The following FGF14 variants were observed in gnomAD, a reference collection of about 807,000 sequenced individuals.
The protein encoded by FGF14 is fibroblast growth factor 14, also known as fibroblast growth factor homologous factor 4.
Under a neutral mutation model 25.5 loss-of-function variants are expected in FGF14, and 5 were observed. The ratio of observed to expected loss-of-function variants is 0.20; its 90% confidence interval spans 0.10 to 0.41. The LOEUF is 0.41. Among genes scored for constraint, FGF14 ranks in the 10% least tolerant of loss-of-function variants. FGF14 has a pLI of 1.00. For missense variants in FGF14, 222 were observed against 320.1 expected (o/e 0.69, Z 2.34); for synonymous variants, 138 against 118.3 (o/e 1.17, Z -1.08).
chr13:101,903,268 C>A (rs1594666504), intron 1 of FGF14, among the ~76,000 whole-genome samples: 1 of 147,086 alleles, frequency 6.8e-6, no homozygotes, highest in Non-Finnish European at 1.5e-5. Context: ...TGTGGTCATT[C>A]ATGTTAGTTA....
intron 1 of FGF14, among the ~76,000 whole-genome samples, chr13:102,178,171 G>A (rs2048522823): frequency 6.6e-6 from 1 of 152,122 alleles, no homozygotes; most frequent in South Asian, 2.1e-4. Flanking sequence ...GGTTGGGGAA[G>A]AGAAGGAGAC....
intron 1 of FGF14, among the ~76,000 whole-genome samples, chr13:102,269,172 C>T (rs1249982600): frequency 6.6e-6 from 1 of 152,168 alleles, no homozygotes; most frequent in Admixed American, 6.5e-5. Context: ...AAACCAAAAG[C>T]CACTAAGTCC....
At chr13:102,181,658 C>A (rs1268661111) in intron 1 of FGF14, among the ~76,000 whole-genome samples, 1 of 152,136 alleles carries the variant, frequency 6.6e-6, no homozygotes, top group Non-Finnish European at 1.5e-5. Flanking sequence ...TCAAAAAAGT[C>A]TTTATGGTTG....
At chr13:102,314,950 T>G (rs185913548) in intron 1 of FGF14, among the ~76,000 whole-genome samples, 38 of 148,798 alleles carry the variant, frequency 2.6e-4, no homozygotes, top group African/African-American at 8.8e-4. Context: ...CATATTATAT[T>G]AATATATTAT....
chr13:102,203,424 G>A (rs1006459668), intron 1 of FGF14, among the ~76,000 whole-genome samples: 4 of 152,108 alleles, frequency 2.6e-5, no homozygotes, highest in Non-Finnish European at 4.4e-5. Flanking sequence ...ATTGCCTCTG[G>A]GGAGAGGCAC....
intron 1 of FGF14, among the ~76,000 whole-genome samples, chr13:102,079,279 A>G (rs2043506659): frequency 6.6e-6 from 1 of 152,122 alleles, no homozygotes; most frequent in African/African-American, 2.4e-5. Context: ...TCCATGTTTA[A>G]AATGTATGCT....
chr13:102,047,317 G>C (rs2042027907), intron 1 of FGF14, among the ~76,000 whole-genome samples: 1 of 151,936 alleles, frequency 6.6e-6, no homozygotes, highest in Non-Finnish European at 1.5e-5. Flanking sequence ...TTTGGTTTAA[G>C]AATAATAAGA....
At chr13:102,161,602 A>G (rs1359625640) in intron 1 of FGF14, among the ~76,000 whole-genome samples, 91 of 2,842 alleles carry the variant, frequency 0.032, no homozygotes, top group Non-Finnish European at 0.041. Context: ...GAAGAAGAAG[A>G]AGAAGAAGAA....
chr13:102,039,145 A>G (rs1321126007), intron 1 of FGF14, among the ~76,000 whole-genome samples: 1 of 152,196 alleles, frequency 6.6e-6, no homozygotes, highest in South Asian at 2.1e-4. Context: ...TTTAAAGTCT[A>G]TCTCTCGCCC....
chr13:101,724,794 C>T (rs2035289971), intron 4 of FGF14, among the ~76,000 whole-genome samples: 1 of 150,970 alleles, frequency 6.6e-6, no homozygotes, highest in South Asian at 2.1e-4. Flanking sequence ...GTTATAGTAC[C>T]TACCCCCTTA....
intron 1 of FGF14, among the ~76,000 whole-genome samples, chr13:102,279,470 G>A (rs1035151886): frequency 6.6e-6 from 1 of 152,006 alleles, no homozygotes; most frequent in Admixed American, 6.6e-5. Context: ...GCTTCTTCAC[G>A]TTCCAAATTT....
At position 101,916,680 on chromosome 13, in the gene FGF14, G is replaced by A. The variant is rs768849604; in HGVS notation, c.-35C>T. 2.0e-6 allele frequency: 3 copies of A among 1,468,832 alleles called. No individual in the cohort carries two copies. The highest frequency in any genetic ancestry group is 2.7e-6 in the Non-Finnish European group (3 of 1,108,672). The allele number at this position is 1,468,832 out of a possible 1,614,324, so 91.0% of individuals were successfully genotyped here. On this transcript the variant is annotated 5_prime_UTR_variant, in exon 1 of 5. Coordinates refer to ENST00000376143, the MANE Select transcript of FGF14 (RefSeq NM_004115.4). ...GGGAACGGGTCCGGGGAGGGAGGGC[G>A]CGGGAGGACGGCGAGCCGGGGGCAC...
chr13:101,833,872 C>A (rs1262500385), intron 3 of FGF14, among the ~76,000 whole-genome samples: 2 of 152,084 alleles, frequency 1.3e-5, no homozygotes, highest in Non-Finnish European at 2.9e-5. Flanking sequence ...ACGTTGAATG[C>A]TGAAGTTAGC....
intron 1 of FGF14, among the ~76,000 whole-genome samples, chr13:102,164,191 A>G (rs900079292): frequency 2.6e-5 from 4 of 152,140 alleles, no homozygotes; most frequent in Admixed American, 2.6e-4. Flanking sequence ...CAAGAAATAA[A>G]TCTTTCTCTT....
In FGF14 at chr13:102,010,298, T is replaced by C. The variant is rs77199567; in HGVS notation, c.209-135002A>G. ...AACCCAAACAGTTAAAATGGCAGCA[T>C]ATGTCACCAGTGCATAAAGGCTGGG... On this transcript the variant is annotated intron_variant, in intron 1 of 4. Coordinates refer to the FGF14 transcript ENST00000376131. Among the ~76,000 whole-genome samples, 20 of 152,222 alleles carry C rather than the reference T, an allele frequency of 1.3e-4. No individual in the cohort carries two copies. In the East Asian group the frequency reaches 3.7e-3, roughly 28 times the overall value.
At chr13:102,269,196 A>G (rs1275644279) in intron 1 of FGF14, among the ~76,000 whole-genome samples, 2 of 152,218 alleles carry the variant, frequency 1.3e-5, no homozygotes, top group African/African-American at 4.8e-5. Flanking sequence ...GTGGAGACCA[A>G]CTGGACATAT....
chr13:102,108,685 A>T (rs2045056950), intron 1 of FGF14, among the ~76,000 whole-genome samples: 1 of 152,242 alleles, frequency 6.6e-6, no homozygotes, highest in African/African-American at 2.4e-5. Context: ...ATAATTGCAC[A>T]TTTAATTGAA....
At chr13:101,906,334 G>T (rs1461834301) in intron 1 of FGF14, among the ~76,000 whole-genome samples, 1 of 152,086 alleles carries the variant, frequency 6.6e-6, no homozygotes, top group Non-Finnish European at 1.5e-5. Context: ...GATTAATAGG[G>T]TTAAACAATT....
chr13:101,987,497 C>CT (rs1241035113), intron 1 of FGF14, among the ~76,000 whole-genome samples: 15 of 152,082 alleles, frequency 9.9e-5, no homozygotes, highest in Admixed American at 6.6e-4. Context: ...CTTCCCTGCC[C>CT]TTTTTTCTAA....
Sources: gnomAD v4.1 joint callset for allele counts (sites outside exome capture counted in the v4.1 genomes callset) on GRCh38, gnomAD v4.1.1 for gene constraint, MANE v1.5 for transcripts, NCBI Gene and HGNC (gene_info 2026-07-23, HGNC 2026-07-21) for gene names.